The following CHST9 variants were observed in gnomAD, a reference collection of about 807,000 sequenced individuals.
CHST9 encodes the protein carbohydrate sulfotransferase 9.
Under a neutral mutation model 44.4 loss-of-function variants are expected in CHST9, and 41 were observed. That is an observed-to-expected ratio of 0.92 (90% CI 0.72 to 1.20). CHST9 has a LOEUF of 1.20. Among genes scored for constraint, CHST9 ranks in the 50% most tolerant of loss-of-function variants. CHST9 has a pLI of 0.00. For synonymous variants in CHST9, 171 were observed against 178.4 expected, an observed-to-expected ratio of 0.96 and a Z score of 0.33; for missense variants, 504 against 516.5, an observed-to-expected ratio of 0.98 and a Z score of 0.23.
At chr18:27,113,690 C>A (rs772432655) in intron 2 of CHST9, among the ~76,000 whole-genome samples, 4 of 152,178 alleles carry the variant, frequency 2.6e-5, no homozygotes, top group Admixed American at 2.6e-4. Context: ...GACACTGAAT[C>A]TATTGGCACC....
In CHST9 at chr18:26,916,633, C is replaced by A; in HGVS notation, c.958G>T (p.Glu320Ter). The change falls in exon 6 of 6, where the codon GAA (glutamate) becomes TAA (stop). Residue 320 changes from glutamate to a stop codon, truncating the protein, a stop_gained. Transcript: ENST00000618847. LOFTEE classifies it high-confidence loss of function. ...ACTCCAGATCCATTAATTAATGCTTCTTCACAGGCATTTGGTCGATATTTC... is the reference window on the plus strand; with the variant it reads ...ACTCCAGATCCATTAATTAATGCTTATTCACAGGCATTTGGTCGATATTTC... ...IKKYRPNACE[E>*]ALINGSGVKF... 6.2e-7 allele frequency: 1 copy of A among 1,613,882 alleles called. No individual in the cohort carries two copies. Among genetic ancestry groups the A allele is most frequent in the Non-Finnish European group, 8.5e-7 (1 of 1,179,800 alleles).
At chr18:27,005,695 T>A (rs967471394) in intron 4 of CHST9, among the ~76,000 whole-genome samples, 1 of 152,136 alleles carries the variant, frequency 6.6e-6, no homozygotes, top group Non-Finnish European at 1.5e-5. Context: ...AGGGGTTATA[T>A]CAATTGGTTT....
chr18:27,048,290 T>C (rs2057527715), intron 3 of CHST9, among the ~76,000 whole-genome samples, 175 bp downstream of exon 3: 2 of 152,154 alleles, frequency 1.3e-5, no homozygotes, highest in South Asian at 2.1e-4. Context: ...GCATAACTGA[T>C]GTGAAAGTGA....
At chr18:26,985,044 G>T (rs532190211) in intron 4 of CHST9, among the ~76,000 whole-genome samples, 1 of 152,214 alleles carries the variant, frequency 6.6e-6, no homozygotes, top group East Asian at 1.9e-4. Context: ...TTCACCAAAA[G>T]ATATTTATTG....
At chr18:27,008,902 G>C (rs2057049420) in intron 4 of CHST9, among the ~76,000 whole-genome samples, 1 of 143,304 alleles carries the variant, frequency 7.0e-6, no homozygotes. Flanking sequence ...TTTTGGTTCT[G>C]TTCTGTTCTG....
chr18:27,140,181 C>T (rs1474756557), intron 2 of CHST9, among the ~76,000 whole-genome samples: 1 of 152,142 alleles, frequency 6.6e-6, no homozygotes, highest in Non-Finnish European at 1.5e-5. Context: ...GCGTGGACCT[C>T]GTAGCAGTAC....
intron 2 of CHST9, among the ~76,000 whole-genome samples, chr18:27,067,422 A>G (rs2057793827): frequency 1.6e-5 from 1 of 64,220 alleles, no homozygotes. Flanking sequence ...CATTCTCCTT[A>G]GAAAAATAAA....
At chr18:26,940,583 A>T (rs2056068439) in intron 5 of CHST9, among the ~76,000 whole-genome samples, 1 of 152,148 alleles carries the variant, frequency 6.6e-6, no homozygotes, top group South Asian at 2.1e-4. Flanking sequence ...CACCGAGCAA[A>T]TGAGACAAGG....
At chr18:27,176,410 C>A (rs776458435) in intron 1 of CHST9, among the ~76,000 whole-genome samples, 2 of 151,840 alleles carry the variant, frequency 1.3e-5, no homozygotes, top group Non-Finnish European at 2.9e-5. Flanking sequence ...ACTTGTGTGA[C>A]GGCAGAGGCA....
intron 4 of CHST9, among the ~76,000 whole-genome samples, chr18:27,005,040 A>G (rs1598631808): frequency 1.3e-5 from 2 of 152,324 alleles, no homozygotes; most frequent in East Asian, 3.9e-4. Flanking sequence ...ATGACAGGCT[A>G]TACTTTTCCA....
intron 2 of CHST9, among the ~76,000 whole-genome samples, chr18:27,134,527 C>A (rs2058497855): frequency 6.6e-6 from 1 of 152,172 alleles, no homozygotes; most frequent in African/African-American, 2.4e-5. Flanking sequence ...CAACTTGCCA[C>A]TGCTAGTAGC....
chr18:26,934,133 T>C (rs1433554440), intron 5 of CHST9: 1 of 152,238 alleles, frequency 6.6e-6, no homozygotes, highest in Non-Finnish European at 1.5e-5. Context: ...CCACACCGTA[T>C]AGGAATATCA....
chr18:27,089,131 CTT>C (rs751164645), intron 2 of CHST9, among the ~76,000 whole-genome samples: 5 of 151,410 alleles, frequency 3.3e-5, no homozygotes, highest in African/African-American at 7.3e-5. Flanking sequence ...CTCTTTTTCT[CTT>C]TCTTTCCTTC....
chr18:26,954,368 C>T (rs2056293271), intron 4 of CHST9, among the ~76,000 whole-genome samples: 1 of 152,064 alleles, frequency 6.6e-6, no homozygotes, highest in African/African-American at 2.4e-5. Context: ...ACCACAGTCC[C>T]CAATTTGTTG....
intron 2 of CHST9, among the ~76,000 whole-genome samples, chr18:27,111,439 GAGTCTAGGCC>G (rs2058269656): frequency 6.6e-6 from 1 of 152,194 alleles, no homozygotes; most frequent in Non-Finnish European, 1.5e-5. Flanking sequence ...TGAAGCTTTA[GAGTCTAGGCC>G]AGTCAGGGCA....
chr18:27,105,335 T>C (rs1394322497), intron 2 of CHST9, among the ~76,000 whole-genome samples: 1 of 152,182 alleles, frequency 6.6e-6, no homozygotes, highest in African/African-American at 2.4e-5. Flanking sequence ...AATCTCTCTT[T>C]GATCAATTTC....
intron 4 of CHST9, among the ~76,000 whole-genome samples, chr18:27,010,405 T>C (rs2057068888): frequency 6.6e-6 from 1 of 152,200 alleles, no homozygotes; most frequent in Non-Finnish European, 1.5e-5. Flanking sequence ...TGACTTGAAG[T>C]AATTGTCAGG....
chr18:27,131,758 T>C (rs1171986146), intron 2 of CHST9, among the ~76,000 whole-genome samples: 1 of 152,180 alleles, frequency 6.6e-6, no homozygotes, highest in Non-Finnish European at 1.5e-5. Context: ...CCTAAGGCCA[T>C]GAAAGGCAAG....
chr18:26,984,295 C>G (rs2056727802), intron 4 of CHST9, among the ~76,000 whole-genome samples: 1 of 152,138 alleles, frequency 6.6e-6, no homozygotes, highest in Non-Finnish European at 1.5e-5. Flanking sequence ...AAGAGATAGT[C>G]TTTTCAATTA....
Sources: allele counts gnomAD v4.1 joint callset (sites outside exome capture counted in the v4.1 genomes callset), GRCh38; gene constraint gnomAD v4.1.1; transcripts MANE v1.5; gene names NCBI Gene and HGNC (gene_info 2026-07-23, HGNC 2026-07-21).